GARRE1: variants seen among roughly 807,000 people sequenced by gnomAD.
GARRE1 encodes granule associated Rac and RHOG effector protein 1.
In GARRE1, 49 loss-of-function variants were observed where a neutral mutation model predicts 103.2. That is an observed-to-expected ratio of 0.47 (90% CI 0.38 to 0.60). The LOEUF is 0.60. GARRE1 is among the 20% of genes least tolerant of loss of function. The pLI is 0.00. For synonymous variants in GARRE1, 505 were observed against 532.8 expected, an observed-to-expected ratio of 0.95 and a Z score of 0.72; for missense variants, 1,199 against 1,370.5, an observed-to-expected ratio of 0.87 and a Z score of 1.98.
At chr19:34,256,501 CAG>C (rs1339033515) in intron 1 of GARRE1, among the ~76,000 whole-genome samples, 2 of 146,048 alleles carry the variant, frequency 1.4e-5, no homozygotes. Flanking sequence ...GCCTGGGCAA[CAG>C]AGTGAGACTC....
chr19:34,282,228 T>C (rs1031769280), intron 1 of GARRE1, among the ~76,000 whole-genome samples: 1 of 143,724 alleles, frequency 7.0e-6, no homozygotes, highest in Non-Finnish European at 1.6e-5. Context: ...CTCGGCTCAC[T>C]GCAACCTCCG....
chr19:34,276,056 TC>T (rs2073815417), intron 1 of GARRE1, among the ~76,000 whole-genome samples: 1 of 152,150 alleles, frequency 6.6e-6, no homozygotes, highest in South Asian at 2.1e-4. Context: ...TGTTTTTTTT[TC>T]TTTAGAGATG....
At chr19:34,268,872 A>C (rs1340995573) in intron 1 of GARRE1, among the ~76,000 whole-genome samples, 1 of 152,194 alleles carries the variant, frequency 6.6e-6, no homozygotes, top group Non-Finnish European at 1.5e-5. Context: ...TTATTAACGT[A>C]GTGACTGTTT....
At chr19:34,333,231 G>C (rs1202193400) in intron 7 of GARRE1, among the ~76,000 whole-genome samples, 7 of 151,270 alleles carry the variant, frequency 4.6e-5, no homozygotes, top group African/African-American at 1.7e-4. Flanking sequence ...TAGTGGAGAC[G>C]GGGTTTCACC....
chr19:34,324,289 A>G (rs1015744930), intron 3 of GARRE1, among the ~76,000 whole-genome samples: 4 of 152,138 alleles, frequency 2.6e-5, no homozygotes, highest in African/African-American at 7.2e-5. Context: ...ATTCTAAAAA[A>G]TTACTATTTT....
At chr19:34,273,399 CTTAT>C (rs2073799371) in intron 1 of GARRE1, among the ~76,000 whole-genome samples, 1 of 152,110 alleles carries the variant, frequency 6.6e-6, no homozygotes, top group Non-Finnish European at 1.5e-5. Flanking sequence ...TCTTCACTAG[CTTAT>C]TTATTTATTT....
chr19:34,296,448 A>G (rs768701021), intron 1 of GARRE1: 25 of 1,590,616 alleles, frequency 1.6e-5, no homozygotes, highest in South Asian at 2.2e-5. Context: ...GGGGTGGGCA[A>G]TGTAGGCAAG....
intron 1 of GARRE1, among the ~76,000 whole-genome samples, chr19:34,290,465 G>A (rs2073911423): frequency 1.3e-5 from 2 of 152,130 alleles, no homozygotes; most frequent in Non-Finnish European, 2.9e-5. Flanking sequence ...TTAGCCTGCA[G>A]TTTGGCAAAA....
At chr19:34,339,121 T>C (rs2074174118) in intron 8 of GARRE1, among the ~76,000 whole-genome samples, 1 of 152,154 alleles carries the variant, frequency 6.6e-6, no homozygotes, top group South Asian at 2.1e-4. Context: ...TGTTCACTTA[T>C]TGGAGAAGTC....
Position 34,319,913 on chromosome 19 carries a change from G to A in GARRE1, c.502G>A (p.Gly168Arg). The change falls in exon 3 of 14, where the codon GGG (glycine) becomes AGG (arginine). Residue 168 changes from glycine to arginine, a missense_variant. Physicochemically the swap from Gly to Arg is moderately radical, Grantham distance 125 (BLOSUM62 -2). Transcript: ENST00000299505. ...GGCTGTCTTGTTTTCACAGGTGTTGGGGCGATGTTTCCTGACTGTGGTGCA... is the reference window on the plus strand; with the variant it reads ...GGCTGTCTTGTTTTCACAGGTGTTGAGGCGATGTTTCCTGACTGTGGTGCA... ...EFSLQDIEVL[G>R]RCFLTVVQVH... 6.2e-7 allele frequency: 1 copy of A among 1,614,174 alleles called. No homozygotes were observed. The highest frequency in any genetic ancestry group is 8.5e-7 in the Non-Finnish European group (1 of 1,179,998).
In GARRE1 at chr19:34,352,959, C is replaced by A; in HGVS notation, c.*4C>A. 2 of 1,477,438 alleles carry A rather than the reference C, an allele frequency of 1.4e-6. No individual in the cohort carries two copies. Among genetic ancestry groups the A allele is most frequent in the East Asian group, 2.6e-5 (1 of 37,830 alleles). 91.5% of individuals were successfully genotyped at this position (1,477,438 alleles called of 1,614,324 possible). A position where few individuals can be genotyped will look rare whatever the true frequency, so the allele number is the denominator to read the frequency against. On this transcript the variant is annotated 3_prime_UTR_variant, in exon 14 of 14. Transcript: ENST00000299505. Reference sequence around the variant, plus strand: ...AGCCTATCTGCCCCAGTACTGACCCCAGGCCAGCCAGCCTGCCTGCCTGCC... The same window carrying A: ...AGCCTATCTGCCCCAGTACTGACCCAAGGCCAGCCAGCCTGCCTGCCTGCC...
chr19:34,258,620 TA>T (rs550795531), intron 1 of GARRE1, among the ~76,000 whole-genome samples: 13 of 148,024 alleles, frequency 8.8e-5, no homozygotes, highest in Admixed American at 3.4e-4. Context: ...CCATCTCTAC[TA>T]AAAAAAAAAT....
chr19:34,319,012 T>C (rs2074072625), intron 2 of GARRE1, among the ~76,000 whole-genome samples: 1 of 106,014 alleles, frequency 9.4e-6, no homozygotes, highest in African/African-American at 2.8e-5. Context: ...GAGACTCCAT[T>C]TCAAAAAAAA....
chr19:34,350,963 C>T (rs961117872), intron 12 of GARRE1, among the ~76,000 whole-genome samples: 1 of 151,928 alleles, frequency 6.6e-6, no homozygotes, highest in Non-Finnish European at 1.5e-5. Context: ...CTTTGGGAGG[C>T]TTAGGCGGGC....
intron 2 of GARRE1, among the ~76,000 whole-genome samples, chr19:34,301,831 C>T (rs1227218060): frequency 2.0e-5 from 3 of 151,164 alleles, no homozygotes; most frequent in Non-Finnish European, 4.4e-5. Flanking sequence ...TACAGGCACC[C>T]GCCACCTCAC....
rs1025617121 is a variant in GARRE1 at position 34,300,013 on chromosome 19, G to C, written c.-461G>C. ...ACTTTGTGTGAAGTAATTCTTTACT[G>C]CTTTTAAATTGCTGTTGATCAGCTT... On this transcript the variant is annotated 5_prime_UTR_variant, in exon 2 of 14. Transcript: ENST00000299505. 9 of 153,400 alleles carry C rather than the reference G, an allele frequency of 5.9e-5. No individual in the cohort carries two copies. Among genetic ancestry groups the C allele is most frequent in the African/African-American group, 1.9e-4 (8 of 41,484 alleles). The allele number at this position is 153,400 out of a possible 1,614,324, so 9.5% of individuals were successfully genotyped here.
In GARRE1 at chr19:34,330,367, G is replaced by T; in HGVS notation, c.1263+20G>T. 1 of 1,613,080 alleles carries T rather than the reference G, an allele frequency of 6.2e-7. No homozygotes were observed. The highest frequency in any genetic ancestry group is 8.5e-7 in the Non-Finnish European group (1 of 1,179,176). On this transcript the variant is annotated intron_variant, in intron 7 of 13. Coordinates refer to ENST00000299505, the MANE Select transcript of GARRE1 (RefSeq NM_014686.5). The stretch of plus-strand genomic sequence containing the variant: ...GGACTGGTGAGTGAGCGTGGGTGGT[G>T]GATGATAGGTAGAATACCAAGATGT...
chr19:34,271,352 G>T (rs1381464822), intron 1 of GARRE1, among the ~76,000 whole-genome samples: 2 of 150,608 alleles, frequency 1.3e-5, no homozygotes, highest in Admixed American at 1.3e-4. Context: ...GGGTTCAAGC[G>T]ATTCTCCTGT....
At chr19:34,333,919 A>G in intron 8 of GARRE1, 118 bp downstream of exon 8, 1 of 732,238 alleles carries the variant, frequency 1.4e-6, no homozygotes, top group Non-Finnish European at 2.5e-6. Flanking sequence ...GTCTTGCTGC[A>G]TGTGCAGGTT....
Sources: gnomAD v4.1 joint callset for allele counts (sites outside exome capture counted in the v4.1 genomes callset) on GRCh38, gnomAD v4.1.1 for gene constraint, MANE v1.5 for transcripts, NCBI Gene and HGNC (gene_info 2026-07-23, HGNC 2026-07-21) for gene names.